Variants in STMN1 observed in about 807,000 individuals in gnomAD.
STMN1 encodes stathmin.
STMN1 carries 3 observed loss-of-function variants against 19.7 expected under a neutral mutation model. That is an observed-to-expected ratio of 0.15 (90% CI 0.07 to 0.39). The LOEUF (loss-of-function observed/expected upper bound fraction) is 0.39, where lower values mean the gene tolerates loss of function less well. Among genes scored for constraint, STMN1 ranks in the 10% least tolerant of loss-of-function variants. The probability of loss-of-function intolerance (pLI) is 1.00; values close to 1 mark genes in which losing one functional copy is unlikely to be tolerated. For missense variants in STMN1, 99 were observed against 176.0 expected (o/e 0.56, Z 2.48); for synonymous variants, 59 against 58.9 (o/e 1.00, Z -0.01).
chr1:25,893,299 A>G (rs1158253934), intron 4 of STMN1, among the ~76,000 whole-genome samples: 1 of 152,164 alleles, frequency 6.6e-6, no homozygotes, highest in East Asian at 1.9e-4. Flanking sequence ...GCTGGCAGCA[A>G]TCCCCGAGCT....
At chr1:25,898,196 C>T (rs191912291), downstream of STMN1, among the ~76,000 whole-genome samples, 1 of 152,362 alleles carries the variant, frequency 6.6e-6, no homozygotes, top group South Asian at 2.1e-4. Flanking sequence ...CTGCCAAAGG[C>T]CATTAACTAT....
In STMN1 at chr1:25,901,065, C is replaced by T; in HGVS notation, c.401G>A (p.Arg134Gln). 1 of 1,611,872 alleles carries T rather than the reference C, an allele frequency of 6.2e-7. No homozygotes were observed. The highest frequency in any genetic ancestry group is 8.5e-7 in the Non-Finnish European group (1 of 1,179,388). ...REKDKHIEEV[R>Q]KNKESKDPAD... ...AGGGTCTTTGGATTCTTTGTTCTTCCGCACTTCTTCAATGTGCTTATCCTG... is the reference window on the plus strand; with the variant it reads ...AGGGTCTTTGGATTCTTTGTTCTTCTGCACTTCTTCAATGTGCTTATCCTG... Residue 134 changes from arginine to glutamine, a missense_variant, in exon 5 of 5, where the codon CGG becomes CAG. Physicochemically the swap from Arg to Gln is conservative, Grantham distance 43. Around this residue, in one of 3 missense-constraint regions of STMN1, gnomAD observed 54 missense variants for 79.4 expected, o/e 0.68. Coordinates refer to ENST00000455785, the MANE Select transcript of STMN1 (RefSeq NM_005563.4).
At chr1:25,890,288 TG>T (rs1358401297) in intron 4 of STMN1, among the ~76,000 whole-genome samples, 1 of 152,124 alleles carries the variant, frequency 6.6e-6, no homozygotes, top group Non-Finnish European at 1.5e-5. Context: ...CCCTCTTCCC[TG>T]ATTGCCCAGT....
intron 1 of STMN1, chr1:25,905,033 C>G (rs1206096951): frequency 2.0e-5 from 5 of 249,078 alleles, no homozygotes; most frequent in African/African-American, 1.1e-4. Context: ...CCCCCATAAA[C>G]TCTTTAACAT....
chr1:25,900,910 A>T lies in STMN1; in HGVS notation c.*106T>A. On this transcript the variant is annotated 3_prime_UTR_variant, in exon 5 of 5. Transcript: ENST00000455785. ...GGATCTACCTATACAGTCCTACATT[A>T]GCTTCTAAAATATTTGTCAGGAGGG... is the stretch of plus-strand genomic sequence containing the variant. The T allele has an allele frequency of 1.3e-6, 2 of 1,591,196 alleles. No homozygotes were observed. Among genetic ancestry groups the T allele is most frequent in the East Asian group, 2.2e-5 (1 of 44,480 alleles).
At position 25,904,701 on chromosome 1, in the gene STMN1, C is replaced by T; in HGVS notation, c.-25G>A. On this transcript the variant is annotated 5_prime_UTR_variant, in exon 2 of 5. Transcript: ENST00000455785. ...TGGTGAATAGAAGACAAGCGACAGG[C>T]AGTGTATTCTGCACAATCAACTGGG... 1 of 1,612,890 alleles carries T rather than the reference C, an allele frequency of 6.2e-7. No homozygotes were observed. The highest frequency in any genetic ancestry group is 8.5e-7 in the Non-Finnish European group (1 of 1,179,682).
At chr1:25,888,988 T>C (rs1439868429) in intron 4 of STMN1, 1 of 481,880 alleles carries the variant, frequency 2.1e-6, no homozygotes, top group African/African-American at 2.0e-5. Flanking sequence ...TCACAAGACT[T>C]CCTGGTCAAG....
chr1:25,891,223 C>G (rs947721739), intron 4 of STMN1, among the ~76,000 whole-genome samples: 2 of 151,698 alleles, frequency 1.3e-5, no homozygotes. Flanking sequence ...ATCCCAGCTG[C>G]AGGAGGCTAA....
At position 25,885,870 on chromosome 1, in the gene STMN1, C is replaced by G. The variant is rs1353559848; in HGVS notation, c.379-1G>C. ...CAGGCCCGTGAGTCCAGAAGTACATCTGGAAGAAAAAGAAAAATCACCAGG... is the reference window on the plus strand; with the variant it reads ...CAGGCCCGTGAGTCCAGAAGTACATGTGGAAGAAAAAGAAAAATCACCAGG... On this transcript the variant is annotated splice_acceptor_variant, in intron 4 of 4. Transcript: ENST00000426559. LOFTEE classifies it high-confidence loss of function. 1 of 1,539,846 alleles carries G rather than the reference C, an allele frequency of 6.5e-7. No individual in the cohort carries two copies. The highest frequency in any genetic ancestry group is 2.5e-5 in the East Asian group (1 of 40,738).
chr1:25,893,010 AATATATACTAT>A (rs1428890535), intron 4 of STMN1, among the ~76,000 whole-genome samples: 1 of 152,240 alleles, frequency 6.6e-6, no homozygotes, highest in Admixed American at 6.5e-5. Flanking sequence ...AAATTTTAAA[AATATATACTAT>A]ATAATACTAG....
chr1:25,891,331 TAA>T (rs34481251), intron 4 of STMN1, among the ~76,000 whole-genome samples: 63,788 of 144,758 alleles, frequency 0.44, 15,068 homozygotes, highest in South Asian at 0.7. Flanking sequence ...AACTCCATCT[TAA>T]AAAAAAAAAA....
intron 4 of STMN1, among the ~76,000 whole-genome samples, chr1:25,890,660 C>G (rs544474366): frequency 2.4e-4 from 36 of 152,324 alleles, no homozygotes; most frequent in African/African-American, 7.7e-4. Flanking sequence ...GCCACTAGAG[C>G]CAGGTAGTCA....
At chr1:25,896,489 C>A (rs1361689100), downstream of STMN1, among the ~76,000 whole-genome samples, 2 of 152,020 alleles carry the variant, frequency 1.3e-5, no homozygotes, top group Non-Finnish European at 2.9e-5. Flanking sequence ...GTAGCTGGCT[C>A]ATTTCCTGTC....
downstream of STMN1, among the ~76,000 whole-genome samples, chr1:25,896,252 G>A (rs907073603): frequency 9.2e-5 from 14 of 152,178 alleles, no homozygotes; most frequent in African/African-American, 3.1e-4. Flanking sequence ...ACCTCATAGG[G>A]CTGTTCTGGG....
chr1:25,906,054 C>G lies in STMN1; in HGVS notation c.-63+335G>C, dbSNP rs1461822567. On this transcript the variant is annotated intron_variant, in intron 1 of 4. Coordinates refer to ENST00000455785, the MANE Select transcript of STMN1 (RefSeq NM_005563.4). This position sits in a 1 kb window ranked among gnomAD's most constrained non-coding sequence, Gnocchi z 4.5. ...CCGTCCCTTCAGACAATGGGGAACC[C>G]GGCGGGGCCCGCAGGGAAGGGAGGG... The G allele has an allele frequency of 7.1e-6, 1 of 140,378 alleles. No homozygotes were observed. The highest frequency in any genetic ancestry group is 1.6e-5 in the Non-Finnish European group (1 of 64,236). The allele number at this position is 140,378 out of a possible 1,614,324, so 8.7% of individuals were successfully genotyped here. A position where few individuals can be genotyped will look rare whatever the true frequency, so the allele number is the denominator to read the frequency against.
At chr1:25,885,648 A>C in exon 5 of STMN1, 1 of 1,430,734 alleles carries the variant, frequency 7.0e-7, no homozygotes, top group Non-Finnish European at 9.2e-7. Context: ...CTTCCACATC[A>C]AGGATCCTCT....
rs1235438358 is a variant in STMN1, at chr1:25,906,311, C to A, written c.-63+78G>T. On this transcript the variant is annotated intron_variant, in intron 1 of 4. Transcript: ENST00000455785. The surrounding 1 kb of genome is among the most constrained non-coding windows in gnomAD (Gnocchi z 4.5). ...GCCCTGCAGCAGGGGGTCGCTGCCA[C>A]GGCCCAGCCCCTCCCGCCGACCGCG... The A allele has an allele frequency of 6.6e-6, 1 of 152,018 alleles. No homozygotes were observed. Among genetic ancestry groups the A allele is most frequent in the African/African-American group, 2.4e-5 (1 of 41,242 alleles). 9.4% of individuals were successfully genotyped at this position (152,018 alleles called of 1,614,324 possible).
At position 25,906,127 on chromosome 1, in the gene STMN1, G is replaced by A. The variant is rs959207582; in HGVS notation, c.-63+262C>T. On this transcript the variant is annotated intron_variant, in intron 1 of 4. Transcript: ENST00000455785. The surrounding 1 kb of genome is among the most constrained non-coding windows in gnomAD (Gnocchi z 4.5). ...CCACGCCCCCTATTGTCTCCTCGAC[G>A]GCACCCCGGAGCGGACGCCCGGTGA... 6.6e-6 allele frequency: 1 copy of A among 151,968 alleles called. No homozygotes were observed. The highest frequency in any genetic ancestry group is 6.5e-5 in the Admixed American group (1 of 15,282). The allele number at this position is 151,968 out of a possible 1,614,324, so 9.4% of individuals were successfully genotyped here.
intron 3 of STMN1, 152 bp from the exon 4 acceptor site, chr1:25,901,834 A>C: frequency 3.3e-6 from 2 of 605,178 alleles, no homozygotes; most frequent in Non-Finnish European, 5.2e-6. Context: ...ACATGGTGAA[A>C]TCCTACCTAT....
Sources: allele counts gnomAD v4.1 joint callset (sites outside exome capture counted in the v4.1 genomes callset), GRCh38; gene constraint gnomAD v4.1.1; regional missense constraint gnomAD v4.1.1; non-coding constraint Gnocchi (gnomAD v3.1); transcripts MANE v1.5; gene names NCBI Gene and HGNC (gene_info 2026-07-23, HGNC 2026-07-21).